The following CENPW variants were observed in gnomAD, a reference collection of about 807,000 sequenced individuals.
CENPW encodes the protein cancer-up-regulated gene 2 protein.
Under a neutral mutation model 11.1 loss-of-function variants are expected in CENPW, and 3 were observed. That is an observed-to-expected ratio of 0.27 (90% CI 0.12 to 0.70). CENPW has a LOEUF of 0.70. CENPW is among the 30% of genes least tolerant of loss of function. The probability of loss-of-function intolerance (pLI) is 0.77; values close to 1 mark genes in which losing one functional copy is unlikely to be tolerated. For missense variants in CENPW, 100 were observed against 105.6 expected, an observed-to-expected ratio of 0.95 and a Z score of 0.23; for synonymous variants, 38 against 42.0, an observed-to-expected ratio of 0.91 and a Z score of 0.37.
the CENPW span, among the ~76,000 whole-genome samples, chr6:126,441,125 G>T: frequency 2.0e-5 from 3 of 151,398 alleles, no homozygotes; most frequent in African/African-American, 7.3e-5. Flanking sequence ...GAAGTGAGCA[G>T]TAGTGGTTAT....
chr6:126,432,066 CAAAAAAAAAAAA>C, the CENPW span, among the ~76,000 whole-genome samples: 44 of 36,558 alleles, frequency 1.2e-3, no homozygotes, highest in Non-Finnish European at 1.7e-3. Flanking sequence ...CTCCATCTCA[CAAAAAAAAAAAA>C]AAAAAAAAAA....
At chr6:126,421,111 T>C in the CENPW span, among the ~76,000 whole-genome samples, 1 of 152,140 alleles carries the variant, frequency 6.6e-6, no homozygotes, top group Non-Finnish European at 1.5e-5. Context: ...CTCTTAACTT[T>C]CTGTTACTCT....
the CENPW span, among the ~76,000 whole-genome samples, chr6:126,402,546 C>T: frequency 8.5e-6 from 1 of 117,812 alleles, no homozygotes; most frequent in South Asian, 2.9e-4. Flanking sequence ...CCATAGGCAA[C>T]CACCAATCTA....
At chr6:126,475,854 G>A in the CENPW span, among the ~76,000 whole-genome samples, 4,408 of 151,942 alleles carry the variant, frequency 0.029, 82 homozygotes, top group Non-Finnish European at 0.042. Context: ...TGATAGGTTC[G>A]GCATCTTTAT....
the CENPW span, among the ~76,000 whole-genome samples, chr6:126,476,220 T>C: frequency 2.0e-5 from 3 of 151,986 alleles, no homozygotes; most frequent in Non-Finnish European, 4.4e-5. Flanking sequence ...GGTTGTTTCA[T>C]TGTTTTGTGT....
the CENPW span, among the ~76,000 whole-genome samples, chr6:126,362,294 C>T: frequency 2.6e-5 from 4 of 152,154 alleles, no homozygotes; most frequent in African/African-American, 9.7e-5. Flanking sequence ...CCAGTTGAGG[C>T]CCTGTCTGCT....
At chr6:126,421,858 A>G in the CENPW span, among the ~76,000 whole-genome samples, 1 of 152,138 alleles carries the variant, frequency 6.6e-6, no homozygotes, top group Non-Finnish European at 1.5e-5. Context: ...AGTTCCTTCT[A>G]GCTTTCTGCT....
the CENPW span, among the ~76,000 whole-genome samples, chr6:126,467,449 A>G: frequency 6.6e-6 from 1 of 152,172 alleles, no homozygotes; most frequent in African/African-American, 2.4e-5. Context: ...GAAATGCTAA[A>G]CAAACTAAAA....
the CENPW span, among the ~76,000 whole-genome samples, chr6:126,356,764 C>T: frequency 6.6e-6 from 1 of 152,008 alleles, no homozygotes; most frequent in African/African-American, 2.4e-5. Flanking sequence ...GTTCTTTGCC[C>T]ATTTTTTAAT....
the CENPW span, among the ~76,000 whole-genome samples, chr6:126,479,793 T>G: frequency 6.6e-6 from 1 of 151,702 alleles, no homozygotes; most frequent in South Asian, 2.1e-4. Context: ...ATTCTATCAT[T>G]TTATTTATAA....
At chr6:126,375,299 T>G in the CENPW span, among the ~76,000 whole-genome samples, 4 of 152,274 alleles carry the variant, frequency 2.6e-5, no homozygotes, top group East Asian at 5.8e-4. Context: ...ACTCTGAAAC[T>G]GTAATGAGGA....
chr6:126,374,743 A>G, the CENPW span, among the ~76,000 whole-genome samples: 1 of 152,200 alleles, frequency 6.6e-6, no homozygotes, highest in African/African-American at 2.4e-5. Flanking sequence ...TTGGAATTTA[A>G]AGTCAACTCC....
chr6:126,473,861 C>T, the CENPW span, among the ~76,000 whole-genome samples: 1 of 146,888 alleles, frequency 6.8e-6, no homozygotes, highest in Non-Finnish European at 1.5e-5. Context: ...TATATATGCA[C>T]AGCATAGATA....
the CENPW span, among the ~76,000 whole-genome samples, chr6:126,448,146 G>T: frequency 6.6e-6 from 1 of 151,166 alleles, no homozygotes; most frequent in Non-Finnish European, 1.5e-5. Flanking sequence ...TAGACAGGTA[G>T]CATCAGCATC....
the CENPW span, among the ~76,000 whole-genome samples, chr6:126,438,108 A>G: frequency 6.6e-6 from 1 of 151,610 alleles, no homozygotes; most frequent in East Asian, 1.9e-4. Context: ...CTGGAAGAAA[A>G]TGTGATGTTA....
chr6:126,386,292 A>G, the CENPW span, among the ~76,000 whole-genome samples: 1 of 152,014 alleles, frequency 6.6e-6, no homozygotes, highest in Admixed American at 6.6e-5. Context: ...ACTGTCTTTC[A>G]GTTATAACAC....
At chr6:126,482,878 A>C in the CENPW span, among the ~76,000 whole-genome samples, 6 of 152,112 alleles carry the variant, frequency 3.9e-5, no homozygotes, top group South Asian at 8.3e-4. Flanking sequence ...GTCAATTTGC[A>C]CAAAATAACA....
the CENPW span, among the ~76,000 whole-genome samples, chr6:126,359,733 T>C: frequency 1.3e-5 from 2 of 152,044 alleles, no homozygotes; most frequent in Admixed American, 6.5e-5. Context: ...ATAACAAGAA[T>C]AGCAACTCCT....
At chr6:126,356,376 A>G in the CENPW span, among the ~76,000 whole-genome samples, 3 of 152,208 alleles carry the variant, frequency 2.0e-5, no homozygotes, top group East Asian at 5.8e-4. Context: ...TCTTTGGGAA[A>G]GATGAAGACG....
Sources: gnomAD v4.1 joint callset for allele counts (sites outside exome capture counted in the v4.1 genomes callset) on GRCh38, gnomAD v4.1.1 for gene constraint, MANE v1.5 for transcripts, NCBI Gene and HGNC (gene_info 2026-07-23, HGNC 2026-07-21) for gene names.